The following ADAMTS19 variants were observed in gnomAD, a reference collection of about 807,000 sequenced individuals.
ADAMTS19 encodes the protein A disintegrin and metalloproteinase with thrombospondin motifs 19.
ADAMTS19 carries 93 observed loss-of-function variants against 153.3 expected under a neutral mutation model. The ratio of observed to expected loss-of-function variants is 0.61; its 90% CI spans 0.51 to 0.72. The LOEUF (loss-of-function observed/expected upper bound fraction) is 0.72, where lower values mean the gene tolerates loss of function less well. Ranked by LOEUF, ADAMTS19 falls within the 30% of genes least tolerant of loss-of-function variation. The probability of loss-of-function intolerance (pLI) is 0.00; values close to 1 mark genes in which losing one functional copy is unlikely to be tolerated. For synonymous variants in ADAMTS19, 600 were observed against 556.6 expected (o/e 1.08, Z -1.10); for missense variants, 1,482 against 1,552.1 (o/e 0.95, Z 0.76).
At chr5:129,702,260 A>T (rs1445242155) in intron 20 of ADAMTS19, among the ~76,000 whole-genome samples, 1 of 152,188 alleles carries the variant, frequency 6.6e-6, no homozygotes, top group Non-Finnish European at 1.5e-5. Context: ...CGTAATAATA[A>T]ATGGCACTCA....
intron 2 of ADAMTS19, among the ~76,000 whole-genome samples, chr5:129,507,894 C>T (rs1751317099): frequency 6.6e-6 from 1 of 151,506 alleles, no homozygotes; most frequent in Non-Finnish European, 1.5e-5. Flanking sequence ...TAAGATTTAC[C>T]CTCGATTTAC....
intron 21 of ADAMTS19, among the ~76,000 whole-genome samples, chr5:129,718,562 T>A (rs1305450495): frequency 6.6e-6 from 1 of 152,148 alleles, no homozygotes; most frequent in Non-Finnish European, 1.5e-5. Flanking sequence ...TGTTTCACAC[T>A]CACTTTATTA....
intron 7 of ADAMTS19, among the ~76,000 whole-genome samples, chr5:129,561,535 C>CA (rs147456879): frequency 0.078 from 5,844 of 74,698 alleles, 287 homozygotes; most frequent in African/African-American, 0.21. Flanking sequence ...GACTCCGTCT[C>CA]AAAAAAAAAA....
At chr5:129,517,136 G>C (rs1265917810) in intron 3 of ADAMTS19, among the ~76,000 whole-genome samples, 1 of 151,740 alleles carries the variant, frequency 6.6e-6, no homozygotes, top group East Asian at 1.9e-4. Flanking sequence ...ATTTTGGTTA[G>C]AGAAGATGCC....
intron 8 of ADAMTS19, among the ~76,000 whole-genome samples, chr5:129,613,883 T>C (rs1416855488): frequency 1.3e-5 from 2 of 152,060 alleles, no homozygotes; most frequent in Non-Finnish European, 2.9e-5. Context: ...AAATACAAAC[T>C]ACCATCAGAG....
At chr5:129,686,069 T>G (rs556617695) in intron 18 of ADAMTS19, among the ~76,000 whole-genome samples, 2 of 152,178 alleles carry the variant, frequency 1.3e-5, no homozygotes, top group Non-Finnish European at 2.9e-5. Flanking sequence ...AATGGGTATG[T>G]GTATTTTGAT....
intron 6 of ADAMTS19, among the ~76,000 whole-genome samples, chr5:129,536,328 C>T (rs1168692438): frequency 6.6e-6 from 1 of 152,092 alleles, no homozygotes; most frequent in African/African-American, 2.4e-5. Context: ...TCATCACTGG[C>T]CATCAGAAAA....
chr5:129,645,230 T>C (rs564237992), intron 11 of ADAMTS19, among the ~76,000 whole-genome samples: 41 of 152,330 alleles, frequency 2.7e-4, no homozygotes, highest in Non-Finnish European at 5.3e-4. Flanking sequence ...TTTTCAACAA[T>C]ACATAACTTC....
intron 8 of ADAMTS19, among the ~76,000 whole-genome samples, chr5:129,611,547 T>A (rs1402785003): frequency 6.6e-6 from 1 of 152,180 alleles, no homozygotes; most frequent in African/African-American, 2.4e-5. Context: ...AAATAGGGAA[T>A]CCTTTCCTCA....
intron 6 of ADAMTS19, among the ~76,000 whole-genome samples, chr5:129,536,708 T>C (rs1449605271): frequency 6.6e-6 from 1 of 152,142 alleles, no homozygotes; most frequent in Non-Finnish European, 1.5e-5. Context: ...GTGGCACATA[T>C]ACACATGGAA....
intron 6 of ADAMTS19, among the ~76,000 whole-genome samples, chr5:129,531,588 G>A (rs1227806513): frequency 6.6e-6 from 1 of 152,132 alleles, no homozygotes; most frequent in Admixed American, 6.5e-5. Context: ...TTGCGCTACT[G>A]CACGCCAGCC....
intron 10 of ADAMTS19, among the ~76,000 whole-genome samples, chr5:129,630,717 CAG>C (rs995415798): frequency 1.3e-5 from 2 of 151,768 alleles, no homozygotes; most frequent in Non-Finnish European, 2.9e-5. Context: ...AAAAACAAAA[CAG>C]AAAATTATTG....
At chr5:129,567,422 A>G (rs1014606088) in intron 7 of ADAMTS19, among the ~76,000 whole-genome samples, 1 of 152,178 alleles carries the variant, frequency 6.6e-6, no homozygotes, top group Non-Finnish European at 1.5e-5. Context: ...TGCTAGACTA[A>G]AGCATTTATT....
At chr5:129,470,939 C>G (rs1750042834) in intron 2 of ADAMTS19, among the ~76,000 whole-genome samples, 1 of 151,962 alleles carries the variant, frequency 6.6e-6, no homozygotes, top group Non-Finnish European at 1.5e-5. Flanking sequence ...TTTTTGTAGT[C>G]TACTAGCCTC....
chr5:129,621,386 G>A (rs10214301), intron 9 of ADAMTS19, among the ~76,000 whole-genome samples: 3,896 of 152,260 alleles, frequency 0.026, 161 homozygotes, highest in African/African-American at 0.088. Flanking sequence ...TTAGTGAGAT[G>A]TTTAAGGTAT....
intron 6 of ADAMTS19, 121 bp downstream of exon 6, chr5:129,528,798 C>A: frequency 2.6e-6 from 2 of 760,176 alleles, no homozygotes; most frequent in South Asian, 2.6e-5. Flanking sequence ...GTGATTTTGG[C>A]ATAATGATGT....
intron 6 of ADAMTS19, among the ~76,000 whole-genome samples, chr5:129,532,633 T>C (rs1241570354): frequency 6.6e-6 from 1 of 152,238 alleles, no homozygotes; most frequent in Non-Finnish European, 1.5e-5. Context: ...AAAATTGCAC[T>C]TGAAAATTTA....
chr5:129,599,189 A>G (rs1389491760), intron 8 of ADAMTS19, among the ~76,000 whole-genome samples: 2 of 152,146 alleles, frequency 1.3e-5, no homozygotes, highest in Non-Finnish European at 2.9e-5. Flanking sequence ...ATGATAGGCT[A>G]TAGATTCTTA....
intron 7 of ADAMTS19, among the ~76,000 whole-genome samples, chr5:129,574,722 G>C (rs562454961): frequency 1.3e-5 from 2 of 151,630 alleles, no homozygotes; most frequent in South Asian, 4.2e-4. Context: ...GATGAGTTTG[G>C]ATGTATATAT....
Sources: allele counts gnomAD v4.1 joint callset (sites outside exome capture counted in the v4.1 genomes callset), GRCh38; gene constraint gnomAD v4.1.1; transcripts MANE v1.5; gene names NCBI Gene and HGNC (gene_info 2026-07-23, HGNC 2026-07-21).